The following NFYC variants were observed in gnomAD, a reference collection of about 807,000 sequenced individuals.
NFYC encodes the protein CAAT box DNA-binding protein subunit C.
In NFYC, 25 loss-of-function variants were observed where a neutral mutation model predicts 53.1. The observed-to-expected ratio is 0.47, with a 90% confidence interval of 0.34 to 0.66. The LOEUF (loss-of-function observed/expected upper bound fraction) is 0.66, where lower values mean the gene tolerates loss of function less well. Among genes scored for constraint, NFYC ranks in the 30% least tolerant of loss-of-function variants. The pLI is 0.01. For missense variants in NFYC, 260 were observed against 422.7 expected, an observed-to-expected ratio of 0.62 and a Z score of 3.38; for synonymous variants, 145 against 152.6, an observed-to-expected ratio of 0.95 and a Z score of 0.37.
chr1:40,760,980 TAGAG>T (rs1156531721), intron 6 of NFYC, among the ~76,000 whole-genome samples: 2 of 152,116 alleles, frequency 1.3e-5, no homozygotes, highest in Non-Finnish European at 2.9e-5. Flanking sequence ...AGAATGAACT[TAGAG>T]GGAGTCTGCC....
At chr1:40,735,380 A>C (rs185798394) in intron 1 of NFYC, 31 of 154,710 alleles carry the variant, frequency 2.0e-4, no homozygotes, top group Non-Finnish European at 4.0e-4. Context: ...CCACTACTAC[A>C]GTATGTGGCT....
chr1:40,765,644 A>G (rs1365438443), intron 7 of NFYC, among the ~76,000 whole-genome samples: 2 of 152,148 alleles, frequency 1.3e-5, no homozygotes, highest in Non-Finnish European at 2.9e-5. Flanking sequence ...ATAGAGACCT[A>G]GTCTATCCAT....
intron 1 of NFYC, among the ~76,000 whole-genome samples, chr1:40,737,161 A>G (rs1010898859): frequency 6.6e-6 from 1 of 150,506 alleles, no homozygotes; most frequent in African/African-American, 2.4e-5. Context: ...TCAAAATCCC[A>G]GACATTTCTG....
At chr1:40,757,402 A>G (rs948775780) in intron 5 of NFYC, 1 of 530,590 alleles carries the variant, frequency 1.9e-6, no homozygotes, top group Non-Finnish European at 3.9e-6. Context: ...AACAGTCTCC[A>G]CTCCGCAGAT....
At chr1:40,721,904 C>T (rs1644341697) in intron 1 of NFYC, among the ~76,000 whole-genome samples, 1 of 152,080 alleles carries the variant, frequency 6.6e-6, no homozygotes, top group African/African-American at 2.4e-5. Flanking sequence ...GGCGCGGTGG[C>T]TCATGCCTGT....
intron 8 of NFYC, among the ~76,000 whole-genome samples, chr1:40,767,854 T>C (rs1646898295): frequency 1.3e-5 from 2 of 152,176 alleles, no homozygotes; most frequent in Admixed American, 1.3e-4. Context: ...TGCATGCCTG[T>C]CATCCCAGCT....
Position 40,691,796 on chromosome 1 carries a change from T to C in NFYC, c.-80T>C, listed in dbSNP as rs1377373441. 2 of 450,026 alleles carry C rather than the reference T, an allele frequency of 4.4e-6. No individual in the cohort carries two copies. The highest frequency in any genetic ancestry group is 8.9e-6 in the Non-Finnish European group (2 of 224,082). The allele number at this position is 450,026 out of a possible 1,614,324, so 27.9% of individuals were successfully genotyped here. ...ACTTCCCCCTCCCCTCCGCCGCGCC[T>C]GGGCCTCTGCATTGCCCGACTCCGT... is the stretch of plus-strand genomic sequence containing the variant. On this transcript the variant is annotated 5_prime_UTR_variant, in exon 1 of 10. Coordinates refer to ENST00000447388, the MANE Select transcript of NFYC (RefSeq NM_014223.5).
chr1:40,696,320 G>A (rs1325826862), intron 1 of NFYC, among the ~76,000 whole-genome samples: 1 of 152,192 alleles, frequency 6.6e-6, no homozygotes, highest in East Asian at 1.9e-4. Flanking sequence ...ACAGTGCTCA[G>A]CCACAGATTT....
At chr1:40,755,724 A>C (rs894044663) in intron 5 of NFYC, among the ~76,000 whole-genome samples, 1 of 152,180 alleles carries the variant, frequency 6.6e-6, no homozygotes, top group Non-Finnish European at 1.5e-5. Context: ...GCCTTGTCCT[A>C]ACAACACAAA....
chr1:40,704,215 GCGCCCGCCACCA>G (rs764070281), intron 1 of NFYC, among the ~76,000 whole-genome samples: 44 of 152,214 alleles, frequency 2.9e-4, no homozygotes, highest in Non-Finnish European at 5.4e-4. Flanking sequence ...GGGACTACAG[GCGCCCGCCACCA>G]CGCCCGGCTA....
chr1:40,703,865 C>T (rs1643564720), intron 1 of NFYC, among the ~76,000 whole-genome samples: 1 of 152,148 alleles, frequency 6.6e-6, no homozygotes, highest in Non-Finnish European at 1.5e-5. Flanking sequence ...CTCAACACTC[C>T]TGTTAGTTGG....
chr1:40,718,621 A>G (rs1033163259), intron 1 of NFYC, among the ~76,000 whole-genome samples: 2 of 152,224 alleles, frequency 1.3e-5, no homozygotes, highest in African/African-American at 4.8e-5. Context: ...GTAGATAACA[A>G]TTGAGCACTA....
chr1:40,711,548 A>G (rs1202645354), intron 1 of NFYC, among the ~76,000 whole-genome samples: 2 of 152,220 alleles, frequency 1.3e-5, no homozygotes, highest in East Asian at 3.8e-4. Context: ...AAAGATGCCC[A>G]GTCACTGCCT....
intron 4 of NFYC, among the ~76,000 whole-genome samples, chr1:40,751,896 C>A (rs1645933180): frequency 6.6e-6 from 1 of 151,852 alleles, no homozygotes; most frequent in African/African-American, 2.4e-5. Context: ...TAAGATGGGC[C>A]CTGCTTCAGT....
In NFYC at chr1:40,707,493, A is replaced by G. The variant is rs1279040040; in HGVS notation, c.-9+15626A>G. Among the ~76,000 whole-genome samples, 12 of 140,520 alleles carry G rather than the reference A, an allele frequency of 8.5e-5. No individual in the cohort carries two copies. In the East Asian group the frequency reaches 1.2e-3, roughly 15 times the overall value. 92.2% of individuals were successfully genotyped at this position (140,520 alleles called of 152,430 possible). A position where few individuals can be genotyped will look rare whatever the true frequency, so the allele number is the denominator to read the frequency against. On this transcript the variant is annotated intron_variant, in intron 1 of 9. Coordinates refer to ENST00000447388, the MANE Select transcript of NFYC (RefSeq NM_014223.5). Reference sequence around the variant, plus strand: ...AGACTCCATCTCCAAAAAAAAAAAAAAGAGAGAGAGAGAGAAAAATTTATC... The same window carrying G: ...AGACTCCATCTCCAAAAAAAAAAAAGAGAGAGAGAGAGAGAAAAATTTATC...
intron 5 of NFYC, among the ~76,000 whole-genome samples, chr1:40,756,837 G>C (rs1039384530): frequency 5.9e-5 from 9 of 152,242 alleles, no homozygotes; most frequent in Non-Finnish European, 1.3e-4. Context: ...GCGGGGGATA[G>C]CAGAGAGCAA....
At chr1:40,724,571 GT>G (rs1217549284) in intron 1 of NFYC, among the ~76,000 whole-genome samples, 10 of 152,266 alleles carry the variant, frequency 6.6e-5, no homozygotes, top group Admixed American at 3.3e-4. Context: ...TGCAGAGATG[GT>G]TTAAGTTTGA....
intron 1 of NFYC, among the ~76,000 whole-genome samples, chr1:40,727,716 A>G (rs1644584705): frequency 6.6e-6 from 1 of 151,530 alleles, no homozygotes; most frequent in African/African-American, 2.4e-5. Flanking sequence ...TTTTTTTAGT[A>G]GAGACAGGGT....
At chr1:40,736,391 T>C (rs1473570234) in intron 1 of NFYC, among the ~76,000 whole-genome samples, 1 of 152,222 alleles carries the variant, frequency 6.6e-6, no homozygotes, top group Non-Finnish European at 1.5e-5. Flanking sequence ...TCCATTCTGC[T>C]GTGATAGAGT....
Sources: gnomAD v4.1 joint callset for allele counts (sites outside exome capture counted in the v4.1 genomes callset) on GRCh38, gnomAD v4.1.1 for gene constraint, MANE v1.5 for transcripts, NCBI Gene and HGNC (gene_info 2026-07-23, HGNC 2026-07-21) for gene names.